Variants in ZNF831 observed in about 807,000 individuals in gnomAD.
The protein encoded by ZNF831 is zinc finger protein 831, also known as chromosome 20 open reading frame 174.
ZNF831 carries 59 observed loss-of-function variants against 95.8 expected under a neutral mutation model. The ratio of observed to expected loss-of-function variants is 0.62; its 90% CI spans 0.50 to 0.77. The LOEUF is 0.77. ZNF831 is among the 30% of genes least tolerant of loss of function. The pLI, the probability that ZNF831 is intolerant of heterozygous loss-of-function variation, is 0.00. For synonymous variants in ZNF831, 961 were observed against 925.5 expected (o/e 1.04, Z -0.70); for missense variants, 2,205 against 2,164.0 (o/e 1.02, Z -0.38).
intron 1 of ZNF831, among the ~76,000 whole-genome samples, chr20:59,145,725 G>C (rs1305752387): frequency 1.3e-5 from 2 of 152,232 alleles, no homozygotes; most frequent in Admixed American, 6.5e-5. Flanking sequence ...CCCTGGAGGA[G>C]AGAAAATCCT....
rs1568750136 is a variant in ZNF831 at position 59,191,210 on chromosome 20, A to G, written c.191A>G (p.His64Arg). 1 of 1,570,746 alleles carries G rather than the reference A, an allele frequency of 6.4e-7. No individual in the cohort carries two copies. Residue 64 changes from histidine (H) to arginine (R), a missense_variant, in exon 2 of 6, where the codon CAC becomes CGC. Coordinates refer to ENST00000371030, the MANE Select transcript of ZNF831 (RefSeq NM_178457.3). ...FLKALPIPLYHTVPPGGLQPR... is the reference protein window; with the variant it reads ...FLKALPIPLYRTVPPGGLQPR... The stretch of plus-strand genomic sequence containing the variant: ...AAGGCCCTGCCCATCCCACTGTACC[A>G]CACGGTGCCTCCCGGGGGCCTCCAG...
intron 1 of ZNF831, among the ~76,000 whole-genome samples, chr20:59,128,497 G>A (rs909011230): frequency 2.0e-5 from 3 of 152,214 alleles, no homozygotes; most frequent in Non-Finnish European, 4.4e-5. Context: ...GGGGGACAGT[G>A]CCCAGATGGA....
At chr20:59,252,892 A>C (rs1349124939) in intron 4 of ZNF831, 86 bp from the exon 5 acceptor site, 17 of 1,442,534 alleles carry the variant, frequency 1.2e-5, no homozygotes, top group Non-Finnish European at 1.4e-5. Flanking sequence ...AGAGGCGATC[A>C]AGAAGTCATG....
intron 1 of ZNF831, among the ~76,000 whole-genome samples, chr20:59,140,921 G>A (rs1393742884): frequency 6.6e-6 from 1 of 151,828 alleles, no homozygotes; most frequent in Non-Finnish European, 1.5e-5. Context: ...TTTATTTATT[G>A]TGGCATCTCA....
intron 1 of ZNF831, among the ~76,000 whole-genome samples, chr20:59,127,588 G>A (rs1439221594): frequency 3.9e-5 from 6 of 152,148 alleles, no homozygotes; most frequent in Non-Finnish European, 5.9e-5. Flanking sequence ...GTTTCCCTCC[G>A]ACGGGCTCAC....
intron 1 of ZNF831, among the ~76,000 whole-genome samples, chr20:59,128,992 G>A (rs375137506): frequency 2.6e-4 from 39 of 152,146 alleles, no homozygotes; most frequent in Non-Finnish European, 5.0e-4. Flanking sequence ...TCGAACTCCT[G>A]ACCTCAGGTG....
At position 59,254,735 on chromosome 20, in the gene ZNF831, G is replaced by C. The variant is rs374630928; in HGVS notation, c.5026G>C (p.Glu1676Gln). ...SSDDEDRLVI[E>Q]I The stretch of plus-strand genomic sequence containing the variant: ...CGACGATGAAGACCGATTAGTTATA[G>C]AAATATGAAGCTTCCAGAGAAACAT... The change falls in exon 6 of 6, where the codon GAA becomes CAA. Residue 1676 changes from glutamate to glutamine, a missense_variant. Transcript: ENST00000371030. The surrounding 1 kb of genome is among the most constrained non-coding windows in gnomAD (Gnocchi z 4.5). The C allele has an allele frequency of 9.7e-5, 155 of 1,595,332 alleles. No individual in the cohort carries two copies. The highest frequency in any genetic ancestry group is 1.3e-4 in the Non-Finnish European group (153 of 1,174,334).
At position 59,192,500 on chromosome 20, in the gene ZNF831, C is replaced by A; in HGVS notation, c.1481C>A (p.Thr494Asn). 6.4e-7 allele frequency: 1 copy of A among 1,560,918 alleles called. No individual in the cohort carries two copies. Among genetic ancestry groups the A allele is most frequent in the Non-Finnish European group, 8.7e-7 (1 of 1,154,646 alleles). The change falls in exon 2 of 6, where the codon ACC (threonine) becomes AAC (asparagine). Residue 494 changes from threonine to asparagine, a missense_variant. Thr to Asn is a moderately conservative substitution (Grantham distance 65). Transcript: ENST00000371030. This position sits in a 1 kb window ranked among gnomAD's most constrained non-coding sequence, Gnocchi z 5.2. ...CACTCCGTCCCCACTCAGCTCTCCA[C>A]CACCGTGGAATGTGTCCCCGTCACC... ...FFHSVPTQLS[T>N]TVECVPVTRS...
intron 2 of ZNF831, among the ~76,000 whole-genome samples, chr20:59,149,315 C>G (rs1041342154): frequency 2.0e-5 from 3 of 152,178 alleles, no homozygotes; most frequent in Non-Finnish European, 2.9e-5. Context: ...GGCCCAGTCT[C>G]AATGGCAAAC....
At chr20:59,253,869 C>CCCCT in intron 5 of ZNF831, 29 bp from the exon 6 acceptor site, 3 of 1,067,574 alleles carry the variant, frequency 2.8e-6, no homozygotes, top group Non-Finnish European at 3.7e-6. Context: ...TCCCCCCCCA[C>CCCCT]TTTTTTTTTC....
chr20:59,201,078 G>A (rs1295133597), intron 3 of ZNF831, among the ~76,000 whole-genome samples: 4 of 152,120 alleles, frequency 2.6e-5, no homozygotes, highest in African/African-American at 9.7e-5. Context: ...CAAAGTGGTT[G>A]TATTATTTTA....
At chr20:59,228,640 G>C (rs866321446) in intron 4 of ZNF831, among the ~76,000 whole-genome samples, 7 of 152,280 alleles carry the variant, frequency 4.6e-5, no homozygotes, top group Middle Eastern at 3.4e-3. Flanking sequence ...AGAGGAGAGA[G>C]AGAGGGCAAG....
intron 1 of ZNF831, among the ~76,000 whole-genome samples, chr20:59,126,895 C>T (rs1195757970): frequency 6.6e-6 from 1 of 152,192 alleles, no homozygotes; most frequent in Non-Finnish European, 1.5e-5. Context: ...GGACCCGTTC[C>T]TCCCTCTCTC....
intron 4 of ZNF831, among the ~76,000 whole-genome samples, chr20:59,252,058 T>A (rs1265863463): frequency 1.3e-5 from 2 of 152,138 alleles, no homozygotes; most frequent in Non-Finnish European, 2.9e-5. Context: ...AACCCTCCTC[T>A]CTCCCCATGA....
intron 1 of ZNF831, among the ~76,000 whole-genome samples, chr20:59,176,485 T>A (rs909759354): frequency 1.4e-4 from 21 of 152,222 alleles, no homozygotes; most frequent in African/African-American, 4.3e-4. Flanking sequence ...AAAAAATACA[T>A]CCCATTGAGA....
chr20:59,200,161 T>C (rs1301233860), intron 3 of ZNF831, among the ~76,000 whole-genome samples: 3 of 152,192 alleles, frequency 2.0e-5, no homozygotes, highest in African/African-American at 7.2e-5. Flanking sequence ...TAGTTTTACT[T>C]TGATGTATAT....
At position 59,259,071 on chromosome 20, in the gene ZNF831, T is replaced by C. The variant is rs1988304102; in HGVS notation, c.*4328T>C. 6.6e-6 allele frequency: 1 copy of C among 151,578 alleles called. No individual in the cohort carries two copies. Among genetic ancestry groups the C allele is most frequent in the Non-Finnish European group, 1.5e-5 (1 of 68,040 alleles). The allele number at this position is 151,578 out of a possible 1,614,324, so 9.4% of individuals were successfully genotyped here. A position where few individuals can be genotyped will look rare whatever the true frequency, so the allele number is the denominator to read the frequency against. On this transcript the variant is annotated 3_prime_UTR_variant, in exon 6 of 6. Coordinates refer to ENST00000371030, the MANE Select transcript of ZNF831 (RefSeq NM_178457.3). ...TGTTGAACTTTCTTTCTTTATATGG[T>C]TAAATTATTTTGTTTTGATAAAAAT...
At chr20:59,209,546 C>T (rs762308200) in intron 4 of ZNF831, among the ~76,000 whole-genome samples, 16 of 152,114 alleles carry the variant, frequency 1.1e-4, no homozygotes, top group Admixed American at 8.5e-4. Flanking sequence ...ACATGCTGGG[C>T]CCCCAGAAGA....
At chr20:59,138,430 T>C (rs1979578886) in intron 1 of ZNF831, among the ~76,000 whole-genome samples, 1 of 151,486 alleles carries the variant, frequency 6.6e-6, no homozygotes, top group Non-Finnish European at 1.5e-5. Flanking sequence ...CTGCCATCCT[T>C]CAGTCTCGCT....
Sources: gnomAD v4.1 joint callset for allele counts (sites outside exome capture counted in the v4.1 genomes callset) on GRCh38, gnomAD v4.1.1 for gene constraint, Gnocchi (gnomAD v3.1) non-coding constraint, MANE v1.5 for transcripts, NCBI Gene and HGNC (gene_info 2026-07-23, HGNC 2026-07-21) for gene names.